Variants in KLHL4 observed in about 807,000 individuals in gnomAD.
KLHL4 encodes the protein kelch-like protein 4.
KLHL4 carries 17 observed loss-of-function variants against 45.8 expected under a neutral mutation model. That is an observed-to-expected ratio of 0.37 (90% CI 0.25 to 0.56). KLHL4 has a LOEUF of 0.56. KLHL4 is among the 20% of genes least tolerant of loss of function. The pLI is 0.79. For missense variants in KLHL4, 544 were observed against 544.9 expected (o/e 1.00, Z 0.02); for synonymous variants, 224 against 189.9 (o/e 1.18, Z -1.47).
chrX:87,626,287 T>A (rs1295765178), intron 6 of KLHL4, among the ~76,000 whole-genome samples: 1 of 111,566 alleles, frequency 9.0e-6, no homozygotes, highest in Non-Finnish European at 1.9e-5. Flanking sequence ...CTGGGGGCCT[T>A]CTAGGTCATA....
intron 1 of KLHL4, among the ~76,000 whole-genome samples, chrX:87,562,588 G>A (rs898247049): frequency 9.0e-6 from 1 of 110,748 alleles, no homozygotes; most frequent in Non-Finnish European, 1.9e-5. Context: ...TACCAGTTAA[G>A]CCACAGTAAA....
At chrX:87,540,439 A>G (rs1414417447) in intron 1 of KLHL4, among the ~76,000 whole-genome samples, 1 of 111,989 alleles carries the variant, frequency 8.9e-6, no homozygotes, top group African/African-American at 3.2e-5. Context: ...ATGTTGTTAT[A>G]TCTTTATTCT....
At chrX:87,594,303 G>T (rs1172123544) in intron 1 of KLHL4, among the ~76,000 whole-genome samples, 1 of 111,334 alleles carries the variant, frequency 9.0e-6, no homozygotes, top group African/African-American at 3.3e-5. Flanking sequence ...TATTAGTAGG[G>T]AATTTAATTT....
chrX:87,641,957 C>A (rs1216897413), intron 9 of KLHL4, among the ~76,000 whole-genome samples: 3 of 99,922 alleles, frequency 3.0e-5, no homozygotes, highest in East Asian at 3.7e-4. Context: ...TTCCTATTTA[C>A]CCTGGTAGCA....
chrX:87,641,437 A>T (rs891066945), intron 9 of KLHL4, among the ~76,000 whole-genome samples: 1 of 111,825 alleles, frequency 8.9e-6, no homozygotes, highest in Non-Finnish European at 1.9e-5. Context: ...TACCACAGGG[A>T]TACATTTGGA....
At chrX:87,635,875 C>A in intron 9 of KLHL4, 100 bp downstream of exon 9, 1 of 546,684 alleles carries the variant, frequency 1.8e-6, no homozygotes, top group Non-Finnish European at 2.8e-6. Flanking sequence ...CAGTTTAGTT[C>A]TATGCCCACT....
intron 9 of KLHL4, among the ~76,000 whole-genome samples, chrX:87,651,518 T>TA (rs1361966242): frequency 8.9e-6 from 1 of 112,145 alleles, no homozygotes; most frequent in Non-Finnish European, 1.9e-5. Flanking sequence ...ATTGAGTAAA[T>TA]ACATCCATTA....
chrX:87,534,015 C>T, intron 1 of KLHL4, among the ~76,000 whole-genome samples: 1 of 111,388 alleles, frequency 9.0e-6, no homozygotes, highest in East Asian at 2.9e-4. Context: ...AAATAGGAGT[C>T]TGTGATAAAC....
At chrX:87,524,984 A>C (rs1931080289) in intron 1 of KLHL4, among the ~76,000 whole-genome samples, 1 of 111,856 alleles carries the variant, frequency 8.9e-6, no homozygotes, top group Non-Finnish European at 1.9e-5. Flanking sequence ...GCTTGTTGGC[A>C]ACTAGTTAAC....
intron 1 of KLHL4, among the ~76,000 whole-genome samples, chrX:87,572,698 A>G (rs774959738): frequency 3.6e-5 from 4 of 110,463 alleles, no homozygotes; most frequent in African/African-American, 9.8e-5. Context: ...TCTATAGTTG[A>G]ATAGTAAAAC....
intron 9 of KLHL4, among the ~76,000 whole-genome samples, chrX:87,663,182 CCTAGTTACT>C (rs891449378): frequency 3.6e-5 from 4 of 110,587 alleles, no homozygotes; most frequent in African/African-American, 1.3e-4. Context: ...GCAAATGATT[CCTAGTTACT>C]CTATGTGGGA....
intron 1 of KLHL4, among the ~76,000 whole-genome samples, chrX:87,611,659 C>CATACT (rs201194879): frequency 0.081 from 8,242 of 101,495 alleles, 362 homozygotes; most frequent in African/African-American, 0.16. Flanking sequence ...GGTTTAAGTA[C>CATACT]ATACTATACT....
At chrX:87,632,142 T>A (rs1200367126) in intron 6 of KLHL4, 68 bp from the exon 7 acceptor site, 1 of 636,479 alleles carries the variant, frequency 1.6e-6, no homozygotes, top group Admixed American at 2.9e-5. Context: ...ATAATTATAA[T>A]GTGAATAATA....
intron 1 of KLHL4, among the ~76,000 whole-genome samples, chrX:87,558,012 A>G (rs1932016922): frequency 1.8e-5 from 2 of 111,569 alleles, no homozygotes; most frequent in African/African-American, 6.5e-5. Context: ...TGCCTTGGAA[A>G]TTCCCCATCT....
At chrX:87,658,750 T>G (rs915580065) in intron 9 of KLHL4, among the ~76,000 whole-genome samples, 4 of 111,478 alleles carry the variant, frequency 3.6e-5, no homozygotes, top group African/African-American at 1.3e-4. Context: ...TACGCACTAT[T>G]TTGCTACTTC....
Position 87,553,957 on chromosome X carries a change from A to C in KLHL4, c.422+35642A>C, listed in dbSNP as rs768180472. On this transcript the variant is annotated intron_variant, in intron 1 of 10. Coordinates refer to ENST00000373119, the MANE Select transcript of KLHL4 (RefSeq NM_019117.5). ...CATATGGCTAGCCAGTTTTCCCAGCACCATTTTTAAATAGGGAATCCTTTC... is the reference window on the plus strand; with the variant it reads ...CATATGGCTAGCCAGTTTTCCCAGCCCCATTTTTAAATAGGGAATCCTTTC... 2.0e-3 allele frequency among the ~76,000 whole-genome samples: 219 copies of C among 108,872 alleles called. 1 individual carries two copies. Among genetic ancestry groups the C allele is most frequent in the African/African-American group, 7.0e-3 (210 of 29,994 alleles). 94.5% of individuals were successfully genotyped at this position (108,872 alleles called of 115,157 possible).
intron 1 of KLHL4, among the ~76,000 whole-genome samples, chrX:87,546,783 A>C (rs1351826580): frequency 8.9e-6 from 1 of 112,658 alleles, no homozygotes; most frequent in Non-Finnish European, 1.9e-5. Flanking sequence ...CTTTGCATCA[A>C]TGTGCCCTGG....
rs1924421049 is a variant in KLHL4 at position 87,667,773 on chromosome X, C to A, written c.*1239C>A. The stretch of plus-strand genomic sequence containing the variant: ...ACTTTAGAATTTCTACAAATAAGTT[C>A]TTTTAAACAGTCTTTTTATTGTGGA... On this transcript the variant is annotated 3_prime_UTR_variant, in exon 11 of 11. Coordinates refer to ENST00000373119, the MANE Select transcript of KLHL4 (RefSeq NM_019117.5). The A allele has an allele frequency of 1.4e-6, 1 of 691,703 alleles. No individual in the cohort carries two copies. Among genetic ancestry groups the A allele is most frequent in the African/African-American group, 2.4e-5 (1 of 42,517 alleles). 57.0% of individuals were successfully genotyped at this position (691,703 alleles called of 1,213,427 possible).
At chrX:87,603,148 C>T (rs866277384) in intron 1 of KLHL4, among the ~76,000 whole-genome samples, 1 of 111,492 alleles carries the variant, frequency 9.0e-6, no homozygotes, top group Non-Finnish European at 1.9e-5. Flanking sequence ...GAGACTACCT[C>T]TGTGTAACAA....
Sources: gnomAD v4.1 joint callset for allele counts (sites outside exome capture counted in the v4.1 genomes callset) on GRCh38, gnomAD v4.1.1 for gene constraint, MANE v1.5 for transcripts, NCBI Gene and HGNC (gene_info 2026-07-23, HGNC 2026-07-21) for gene names.